BAHCC1: variants seen among roughly 807,000 people sequenced by gnomAD.
BAHCC1 encodes BAH domain and coiled-coil containing 1.
Under a neutral mutation model 88.2 loss-of-function variants are expected in BAHCC1, and 43 were observed. That is an observed-to-expected ratio of 0.49 (90% confidence interval 0.38 to 0.63). The LOEUF (loss-of-function observed/expected upper bound fraction) is 0.63. Ranked by LOEUF, BAHCC1 falls within the 20% of genes least tolerant of loss-of-function variation. The probability of loss-of-function intolerance (pLI) is 0.00; values close to 1 mark genes in which losing one functional copy is unlikely to be tolerated. For missense variants in BAHCC1, 3,023 were observed against 1,654.8 expected (o/e 1.83, Z -14.34); for synonymous variants, 1,510 against 745.5 (o/e 2.03, Z -16.71).
chr17:81,426,249 TGGTAATAGTCGTG>T (rs2064196555), intron 2 of BAHCC1, among the ~76,000 whole-genome samples: 49 of 114,010 alleles, frequency 4.3e-4, no homozygotes, highest in Non-Finnish European at 5.6e-4. Flanking sequence ...ATGTGGTTGG[TGGTAATAGTCGTG>T]GGTGATGTGG....
intron 2 of BAHCC1, among the ~76,000 whole-genome samples, chr17:81,418,779 G>A (rs1188374389): frequency 2.8e-5 from 4 of 141,000 alleles, no homozygotes; most frequent in Non-Finnish European, 6.2e-5. Flanking sequence ...GTGTGTACGT[G>A]TGTGTGTACG....
rs929769114 is a variant in BAHCC1, at chr17:81,411,459, G to A, written c.178+11542G>A. On this transcript the variant is annotated intron_variant, in intron 2 of 27. Coordinates refer to ENST00000675386, the MANE Select transcript of BAHCC1 (RefSeq NM_001377448.1). This position sits in a 1 kb window ranked among gnomAD's most constrained non-coding sequence, Gnocchi z 6.2. The stretch of plus-strand genomic sequence containing the variant: ...GGGGGGGAACAGGGTCCTTGAGGTC[G>A]TCAGCCAGCCCCACCCCTGCCTGCC... The A allele has an allele frequency of 1.7e-4, 62 of 359,510 alleles. No individual in the cohort carries two copies. Among genetic ancestry groups the A allele is most frequent in the Non-Finnish European group, 2.9e-4 (52 of 180,188 alleles). 22.3% of individuals were successfully genotyped at this position (359,510 alleles called of 1,614,324 possible). A position where few individuals can be genotyped will look rare whatever the true frequency, so the allele number is the denominator to read the frequency against.
intron 2 of BAHCC1, among the ~76,000 whole-genome samples, chr17:81,424,507 T>C (rs2064150955): frequency 6.6e-6 from 1 of 152,154 alleles, no homozygotes; most frequent in African/African-American, 2.4e-5. Context: ...GTGGTGACAG[T>C]GATGGTGGTG....
At chr17:81,407,060 G>C (rs1478645680) in intron 2 of BAHCC1, 1 of 447,052 alleles carries the variant, frequency 2.2e-6, no homozygotes, top group African/African-American at 2.0e-5. Flanking sequence ...CTTGAGATGC[G>C]GGGACTCTGA....
At chr17:81,443,751 G>A in intron 5 of BAHCC1, 58 bp from the exon 6 acceptor site, 2 of 699,718 alleles carry the variant, frequency 2.9e-6, no homozygotes. Flanking sequence ...GCTTGCCTTA[G>A]CTGGTGGCTC....
chr17:81,438,023 G>A (rs782048304), intron 3 of BAHCC1, among the ~76,000 whole-genome samples: 9 of 152,308 alleles, frequency 5.9e-5, no homozygotes, highest in East Asian at 1.9e-4. Flanking sequence ...TCTGTCCACC[G>A]TGCCCCCTCC....
At chr17:81,412,936 G>A (rs560370026) in intron 2 of BAHCC1, among the ~76,000 whole-genome samples, 12 of 152,334 alleles carry the variant, frequency 7.9e-5, no homozygotes, top group Non-Finnish European at 1.5e-4. Context: ...CTGCTGGCTG[G>A]AAGGAGAGAG....
At chr17:81,460,829 C>A in intron 25 of BAHCC1, 37 bp from the exon 26 acceptor site, 1 of 767,268 alleles carries the variant, frequency 1.3e-6, no homozygotes, top group Non-Finnish European at 2.4e-6. Flanking sequence ...CTTTGTGGGC[C>A]CAGCTGGGGC....
intron 6 of BAHCC1, 131 bp from the exon 7 acceptor site, chr17:81,444,250 G>A: frequency 4.8e-6 from 3 of 627,494 alleles, no homozygotes; most frequent in East Asian, 2.7e-5. Context: ...CAGGGGGTGG[G>A]ACAGGGAGTC....
rs1304370372 is a variant in BAHCC1 at position 81,399,748 on chromosome 17, C to T, written c.9C>T (p.Gly3=). 3 of 1,163,054 alleles carry T rather than the reference C, an allele frequency of 2.6e-6. No homozygotes were observed. Among genetic ancestry groups the T allele is most frequent in the Admixed American group, 4.6e-5 (1 of 21,620 alleles). 72.0% of individuals were successfully genotyped at this position (1,163,054 alleles called of 1,614,324 possible). A position where few individuals can be genotyped will look rare whatever the true frequency, so the allele number is the denominator to read the frequency against. ...CGGGGCCGGGGCCCGGCATGGATGG[C>T]CGCGACTTTGCGCCGCCGCCGCATC... MD[G]RDFAPPPHLL... The change falls in exon 2 of 28, where the codon GGC becomes GGT. Residue 3 remains glycine (G), a synonymous_variant. Coordinates refer to ENST00000675386, the MANE Select transcript of BAHCC1 (RefSeq NM_001377448.1). The surrounding 1 kb of genome is among the most constrained non-coding windows in gnomAD (Gnocchi z 4.5).
intron 2 of BAHCC1, among the ~76,000 whole-genome samples, chr17:81,414,653 G>A (rs1033684900): frequency 2.6e-5 from 4 of 152,224 alleles, no homozygotes; most frequent in African/African-American, 7.2e-5. Flanking sequence ...TCGTGAGGAC[G>A]TGGGTCCGTG....
At position 81,442,594 on chromosome 17, in the gene BAHCC1, C is replaced by T. The variant is rs781814739; in HGVS notation, c.1245C>T (p.Ala415=). The change falls in exon 5 of 28, where the codon GCC becomes GCT. Residue 415 remains alanine (A), a synonymous_variant. Coordinates refer to ENST00000675386, the MANE Select transcript of BAHCC1 (RefSeq NM_001377448.1). Reference sequence around the variant, plus strand: ...CCTTCCAGGCCGCCGAGGCCTGTGCCGTGGCAGGGGAGGGCAAGGACCGGC... The same window carrying T: ...CCTTCCAGGCCGCCGAGGCCTGTGCTGTGGCAGGGGAGGGCAAGGACCGGC... ...GRPFQAAEAC[A]VAGEGKDRHL... 4.6e-5 allele frequency: 36 copies of T among 774,424 alleles called. No homozygotes were observed. Among genetic ancestry groups the T allele is most frequent in the South Asian group, 6.7e-5 (5 of 74,082 alleles). The allele number at this position is 774,424 out of a possible 1,614,324, so 48.0% of individuals were successfully genotyped here. A position where few individuals can be genotyped will look rare whatever the true frequency, so the allele number is the denominator to read the frequency against.
rs538638899 is a variant in BAHCC1 at position 81,419,382 on chromosome 17, C to A, written c.179-7418C>A. ...CCTGTGCAGGGCGGCTTCCTCCCCGCGCTTTCCCGGAATGAGGAATGTGGG... is the reference window on the plus strand; with the variant it reads ...CCTGTGCAGGGCGGCTTCCTCCCCGAGCTTTCCCGGAATGAGGAATGTGGG... On this transcript the variant is annotated intron_variant, in intron 2 of 27. Transcript: ENST00000675386. Among the ~76,000 whole-genome samples the A allele has an allele frequency of 9.2e-5, 14 of 152,398 alleles. 2 individuals carry two copies. The South Asian group carries it at 2.9e-3, about 32-fold the overall frequency.
intron 2 of BAHCC1, among the ~76,000 whole-genome samples, chr17:81,421,162 C>T (rs1274866410): frequency 6.6e-6 from 1 of 152,234 alleles, no homozygotes; most frequent in Non-Finnish European, 1.5e-5. Context: ...CCCTGGCCCC[C>T]AGCTGCCTCC....
intron 3 of BAHCC1, among the ~76,000 whole-genome samples, chr17:81,430,515 A>G (rs2064248410): frequency 6.6e-6 from 1 of 152,170 alleles, no homozygotes; most frequent in African/African-American, 2.4e-5. Flanking sequence ...CTCCCTGCCA[A>G]CGGAGCCCCG....
At chr17:81,407,002 C>G (rs1292485672) in intron 2 of BAHCC1, 19 of 456,136 alleles carry the variant, frequency 4.2e-5, no homozygotes, top group Non-Finnish European at 7.5e-5. Flanking sequence ...GGCTGGGTTC[C>G]TGCCTTCCCT....
In BAHCC1 at chr17:81,441,941, C is replaced by T. The variant is rs782704662; in HGVS notation, c.592C>T (p.Arg198Trp). Residue 198 changes from arginine (R) to tryptophan (W), a missense_variant, in exon 5 of 28, where the codon CGG becomes TGG. Coordinates refer to ENST00000675386, the MANE Select transcript of BAHCC1 (RefSeq NM_001377448.1). ...APAHPMGSCS[R>W]DRDRGEAGSL... ...TGCCCACCCCATGGGCTCCTGCAGC[C>T]GGGATCGAGACCGGGGTGAGGCAGG... The T allele has an allele frequency of 1.1e-5, 8 of 740,498 alleles. No individual in the cohort carries two copies. Among genetic ancestry groups the T allele is most frequent in the Admixed American group, 1.8e-5 (1 of 55,880 alleles). 45.9% of individuals were successfully genotyped at this position (740,498 alleles called of 1,614,324 possible).
chr17:81,460,825 G>T (rs1555659000), intron 25 of BAHCC1, 41 bp from the exon 26 acceptor site: 1 of 767,354 alleles, frequency 1.3e-6, no homozygotes, highest in South Asian at 1.3e-5. Flanking sequence ...GCAGCTTTGT[G>T]GGCCCAGCTG....
intron 2 of BAHCC1, chr17:81,406,829 G>A (rs183462321): frequency 3.3e-4 from 150 of 453,536 alleles, no homozygotes; most frequent in Admixed American, 1.4e-3. Context: ...GGTTTGCAGC[G>A]AGCCTCGGGT....
Sources: allele counts gnomAD v4.1 joint callset (sites outside exome capture counted in the v4.1 genomes callset), GRCh38; gene constraint gnomAD v4.1.1; non-coding constraint Gnocchi (gnomAD v3.1); transcripts MANE v1.5; gene names NCBI Gene and HGNC (gene_info 2026-07-23, HGNC 2026-07-21).